The following KCNA2 variants were observed in gnomAD, a reference collection of about 807,000 sequenced individuals.
The protein encoded by KCNA2 is potassium voltage-gated channel subfamily A member 2.
In KCNA2, 11 loss-of-function variants were observed where a neutral mutation model predicts 33.4. The observed-to-expected ratio is 0.33, with a 90% confidence interval of 0.21 to 0.55. KCNA2 has a LOEUF of 0.55. Among genes scored for constraint, KCNA2 ranks in the 20% least tolerant of loss-of-function variants. The probability of loss-of-function intolerance (pLI) is 0.93; values close to 1 mark genes in which losing one functional copy is unlikely to be tolerated. For synonymous variants in KCNA2, 222 were observed against 231.3 expected, an observed-to-expected ratio of 0.96 and a Z score of 0.37; for missense variants, 291 against 621.6, an observed-to-expected ratio of 0.47 and a Z score of 5.66.
chr1:110,624,141 G>A (rs1650333032), intron 1 of KCNA2, among the ~76,000 whole-genome samples: 1 of 152,152 alleles, frequency 6.6e-6, no homozygotes, highest in Admixed American at 6.6e-5. Context: ...TTATTTATAG[G>A]TATCCATCCA....
intron 1 of KCNA2, among the ~76,000 whole-genome samples, chr1:110,614,210 C>T (rs1649976702): frequency 6.6e-6 from 1 of 152,196 alleles, no homozygotes. Flanking sequence ...GTCCTCAACT[C>T]TTCCTTATAT....
At chr1:110,614,404 T>C (rs1649984310) in intron 1 of KCNA2, among the ~76,000 whole-genome samples, 1 of 152,244 alleles carries the variant, frequency 6.6e-6, no homozygotes, top group Admixed American at 6.5e-5. Flanking sequence ...GTTGACTCCC[T>C]AGTGTCTGCG....
chr1:110,608,449 C>G (rs937005399), upstream of KCNA2, among the ~76,000 whole-genome samples: 4 of 152,172 alleles, frequency 2.6e-5, no homozygotes, highest in African/African-American at 7.2e-5. Context: ...TGGGCCCTCC[C>G]CCCTACCCTC....
intron 1 of KCNA2, among the ~76,000 whole-genome samples, chr1:110,620,093 T>TGAGAGAGA (rs35267607): frequency 2.5e-5 from 3 of 122,014 alleles, no homozygotes; most frequent in African/African-American, 9.8e-5. Flanking sequence ...AGAGAGTGAG[T>TGAGAGAGA]GAGAGAGAGA....
chr1:110,626,965 A>G (rs982926383), intron 1 of KCNA2, among the ~76,000 whole-genome samples: 1 of 152,170 alleles, frequency 6.6e-6, no homozygotes, highest in South Asian at 2.1e-4. Context: ...TGATGATGAT[A>G]CCTCTGTTTA....
At chr1:110,630,549 C>T (rs1476479916) in intron 1 of KCNA2, among the ~76,000 whole-genome samples, 2 of 152,180 alleles carry the variant, frequency 1.3e-5, no homozygotes, top group African/African-American at 4.8e-5. Flanking sequence ...TCAGTTCTTT[C>T]TCCTATTACC....
At chr1:110,625,686 TAACTC>T (rs1324639129) in intron 1 of KCNA2, among the ~76,000 whole-genome samples, 26 of 152,216 alleles carry the variant, frequency 1.7e-4, no homozygotes, top group Admixed American at 2.0e-4. Context: ...AAAATATCTG[TAACTC>T]ATTATCCAGA....
At position 110,599,999 on chromosome 1, in the gene KCNA2, C is replaced by T; in HGVS notation, c.*3284G>A. On this transcript the variant is annotated 3_prime_UTR_variant, in exon 3 of 3. Coordinates refer to ENST00000316361, the MANE Select transcript of KCNA2 (RefSeq NM_004974.4). ...TATCTGCTTGATGTGGTGGCCCATC[C>T]TCCTGCTTGAAACCTAGGAGTTACT... The T allele has an allele frequency of 1.3e-5, 13 of 985,232 alleles. No individual in the cohort carries two copies. Among genetic ancestry groups the T allele is most frequent in the Non-Finnish European group, 1.6e-5 (13 of 829,922 alleles). 61.0% of individuals were successfully genotyped at this position (985,232 alleles called of 1,614,324 possible). A position where few individuals can be genotyped will look rare whatever the true frequency, so the allele number is the denominator to read the frequency against.
chr1:110,616,191 A>G (rs2101445190), intron 1 of KCNA2, among the ~76,000 whole-genome samples: 2 of 152,298 alleles, frequency 1.3e-5, no homozygotes, highest in Middle Eastern at 6.8e-3. Flanking sequence ...GGGACTCTGT[A>G]ACCTGCAGAT....
intron 1 of KCNA2, among the ~76,000 whole-genome samples, chr1:110,616,693 A>C (rs1229886755): frequency 6.6e-6 from 1 of 152,206 alleles, no homozygotes; most frequent in Non-Finnish European, 1.5e-5. Flanking sequence ...GGTGAGGCTG[A>C]GTGGCTTGCC....
chr1:110,624,384 T>C (rs2101465629), intron 1 of KCNA2, among the ~76,000 whole-genome samples: 1 of 152,292 alleles, frequency 6.6e-6, no homozygotes, highest in South Asian at 2.1e-4. Context: ...AAGACAGACA[T>C]AAGAAACACA....
At chr1:110,630,093 G>A (rs1040921593) in intron 1 of KCNA2, among the ~76,000 whole-genome samples, 11 of 142,610 alleles carry the variant, frequency 7.7e-5, no homozygotes, top group Non-Finnish European at 1.2e-4. Context: ...TTGGCTCACC[G>A]CAACCTCTGT....
chr1:110,612,158 A>C (rs1354197556), intron 1 of KCNA2, among the ~76,000 whole-genome samples: 2 of 152,170 alleles, frequency 1.3e-5, no homozygotes, highest in Non-Finnish European at 2.9e-5. Context: ...CCCTGCTGCT[A>C]ATACTCAAAG....
Position 110,594,120 on chromosome 1 carries a change from A to G in KCNA2, c.*9163T>C. The G allele has an allele frequency of 5.0e-6, 7 of 1,387,438 alleles. No individual in the cohort carries two copies. Among genetic ancestry groups the G allele is most frequent in the Non-Finnish European group, 6.5e-6 (7 of 1,075,818 alleles). The allele number at this position is 1,387,438 out of a possible 1,614,324, so 85.9% of individuals were successfully genotyped here. Reference sequence around the variant, plus strand: ...TGGAGTTCCTTCTGCTATTGATCCCAAGGAGGCTTATTTATCTACCTCTTT... The same window carrying G: ...TGGAGTTCCTTCTGCTATTGATCCCGAGGAGGCTTATTTATCTACCTCTTT... On this transcript the variant is annotated 3_prime_UTR_variant, in exon 3 of 3. Transcript: ENST00000316361.
chr1:110,612,023 C>CAAAT (rs1177746969), intron 1 of KCNA2, among the ~76,000 whole-genome samples: 2 of 152,002 alleles, frequency 1.3e-5, no homozygotes, highest in Admixed American at 6.6e-5. Context: ...GAACCTGTCT[C>CAAAT]AAATAAATAA....
rs1243417618 is a variant in KCNA2, at chr1:110,597,651, GGAA to G, written c.*5629_*5631del. ...AGGACAGGAGTCATGTGAACACGTG[GGAA>G]GAAGAAGAAACTACAGAGACTGTGA... On this transcript the variant is annotated 3_prime_UTR_variant, in exon 3 of 3. Coordinates refer to ENST00000316361, the MANE Select transcript of KCNA2 (RefSeq NM_004974.4). The G allele has an allele frequency of 1.1e-5, 11 of 985,262 alleles. No homozygotes were observed. Among genetic ancestry groups the G allele is most frequent in the Middle Eastern group, 5.2e-4 (1 of 1,936 alleles). The allele number at this position is 985,262 out of a possible 1,614,324, so 61.0% of individuals were successfully genotyped here.
At position 110,604,805 on chromosome 1, in the gene KCNA2, T is replaced by C; in HGVS notation, c.-23A>G. On this transcript the variant is annotated 5_prime_UTR_variant, in exon 3 of 3. Coordinates refer to ENST00000316361, the MANE Select transcript of KCNA2 (RefSeq NM_004974.4). This position sits in a 1 kb window ranked among gnomAD's most constrained non-coding sequence, Gnocchi z 7.6. ...CATAATTGGGACTGAGAGAAGCACC[T>C]CACGCTATGCCTTTCAGCTGCCTGG... The C allele has an allele frequency of 6.3e-7, 1 of 1,593,404 alleles. No homozygotes were observed. The highest frequency in any genetic ancestry group is 1.1e-5 in the South Asian group (1 of 87,240).
In KCNA2 at chr1:110,601,207, G is replaced by A. The variant is rs1214644605; in HGVS notation, c.*2076C>T. On this transcript the variant is annotated 3_prime_UTR_variant, in exon 3 of 3. Transcript: ENST00000316361. The stretch of plus-strand genomic sequence containing the variant: ...TTTAATGGGGAGAGAGTTTGGGTCT[G>A]GAGATCAAAATGATGCCTTTGGATC... 1 of 985,370 alleles carries A rather than the reference G, an allele frequency of 1.0e-6. No individual in the cohort carries two copies. Among genetic ancestry groups the A allele is most frequent in the African/African-American group, 1.7e-5 (1 of 57,318 alleles). The allele number at this position is 985,370 out of a possible 1,614,324, so 61.0% of individuals were successfully genotyped here.
At chr1:110,628,586 G>T (rs1006092127) in intron 1 of KCNA2, among the ~76,000 whole-genome samples, 7 of 152,180 alleles carry the variant, frequency 4.6e-5, no homozygotes, top group African/African-American at 1.7e-4. Flanking sequence ...TGCCTGATGG[G>T]GGCCTTGTCC....
Sources: allele counts gnomAD v4.1 joint callset (sites outside exome capture counted in the v4.1 genomes callset), GRCh38; gene constraint gnomAD v4.1.1; non-coding constraint Gnocchi (gnomAD v3.1); transcripts MANE v1.5; gene names NCBI Gene and HGNC (gene_info 2026-07-23, HGNC 2026-07-21).